Variants in CHD6 observed in about 807,000 individuals in gnomAD.
CHD6 encodes the protein ATP-dependent chromatin remodeler CHD6.
CHD6 carries 50 observed loss-of-function variants against 276.9 expected under a neutral mutation model. That is an observed-to-expected ratio of 0.18 (90% CI 0.14 to 0.23). The LOEUF is 0.23. CHD6 is among the 10% of genes least tolerant of loss of function. The pLI is 1.00. For missense variants in CHD6, 2,564 were observed against 3,365.8 expected (o/e 0.76, Z 5.89); for synonymous variants, 1,173 against 1,229.3 (o/e 0.95, Z 0.96).
chr20:41,531,476 C>T (rs537507708), intron 3 of CHD6, among the ~76,000 whole-genome samples: 2 of 152,308 alleles, frequency 1.3e-5, no homozygotes, highest in Admixed American at 1.3e-4. Context: ...GCTGAACAGT[C>T]ACTCTGCTAC....
chr20:41,451,032 C>T lies in CHD6; in HGVS notation c.3597G>A (p.Lys1199=). Residue 1199 remains lysine, a synonymous_variant, in exon 23 of 37, where the codon AAG becomes AAA. Transcript: ENST00000373233. ...TKNQLLIPEL[K]DADWLATCNP... The stretch of plus-strand genomic sequence containing the variant: ...TGCAGGTGGCTAGCCAATCTGCATC[C>T]TTTAGCTCTGGGATTAGCAACTGGT... The T allele has an allele frequency of 1.2e-6, 2 of 1,614,054 alleles. No individual in the cohort carries two copies. Among genetic ancestry groups the T allele is most frequent in the South Asian group, 1.1e-5 (1 of 91,068 alleles).
At position 41,611,629 on chromosome 20, in the gene CHD6, C is replaced by CT. The variant is rs199776527; in HGVS notation, c.-24+6710dup. Among the ~76,000 whole-genome samples, 790 of 146,790 alleles carry CT rather than the reference C, an allele frequency of 5.4e-3. 4 individuals are homozygous for CT. The highest frequency in any genetic ancestry group is 0.042 in the Middle Eastern group (12 of 284). Reference sequence around the variant, plus strand: ...GAATGGGGCCCAAAAACTTGCATTTCTTTTTTTTTTTAAGACAGAGTCTCA... The same window carrying CT: ...GAATGGGGCCCAAAAACTTGCATTTCTTTTTTTTTTTTAAGACAGAGTCTCA... On this transcript the variant is annotated intron_variant, in intron 1 of 36. Coordinates refer to ENST00000373233, the MANE Select transcript of CHD6 (RefSeq NM_032221.5).
At chr20:41,415,114 G>T in intron 34 of CHD6, 72 bp downstream of exon 34, 2 of 1,499,422 alleles carry the variant, frequency 1.3e-6, no homozygotes, top group Non-Finnish European at 1.8e-6. Context: ...ATTATTTTGC[G>T]TCTGAGGAAG....
intron 1 of CHD6, among the ~76,000 whole-genome samples, chr20:41,596,957 A>G (rs954594723): frequency 1.3e-5 from 2 of 152,182 alleles, no homozygotes; most frequent in African/African-American, 2.4e-5. Context: ...GCAAAAAATC[A>G]TGCTGTCCGC....
intron 16 of CHD6, among the ~76,000 whole-genome samples, chr20:41,475,252 C>A (rs1248537585): frequency 6.6e-6 from 1 of 152,176 alleles, no homozygotes; most frequent in Admixed American, 6.5e-5. Flanking sequence ...TTTCTATTAT[C>A]ATCCTCATTT....
chr20:41,436,359 A>C (rs1410590912), intron 27 of CHD6, among the ~76,000 whole-genome samples: 1 of 152,228 alleles, frequency 6.6e-6, no homozygotes, highest in Non-Finnish European at 1.5e-5. Context: ...TGACCACACC[A>C]AATGTTGGTG....
intron 23 of CHD6, 47 bp from the exon 24 acceptor site, chr20:41,448,018 T>C (rs1293727315): frequency 1.7e-6 from 2 of 1,150,558 alleles, no homozygotes; most frequent in African/African-American, 3.1e-5. Context: ...AACCCATAAC[T>C]GTCTGTGAAC....
At chr20:41,535,467 G>A (rs1314957707) in intron 2 of CHD6, among the ~76,000 whole-genome samples, 2 of 152,148 alleles carry the variant, frequency 1.3e-5, no homozygotes, top group African/African-American at 4.8e-5. Flanking sequence ...TTTCCATCTG[G>A]CCAAAGCTCA....
In CHD6 at chr20:41,420,934, A is replaced by G. The variant is rs754412743; in HGVS notation, c.5701T>C (p.Ser1901Pro). The change falls in exon 31 of 37, where the codon TCA (serine) becomes CCA (proline). Residue 1901 changes from serine to proline, a missense_variant. Coordinates refer to ENST00000373233, the MANE Select transcript of CHD6 (RefSeq NM_032221.5). Reference protein sequence around the residue: ...LHLTEPTTNISREKNQGFQDE... With the variant: ...LHLTEPTTNIPREKNQGFQDE... ...TGGAAGCCTTGGTTCTTTTCCCTTG[A>G]GATGTTAGTAGTGGGCTCCGTGAGA... The G allele has an allele frequency of 6.2e-7, 1 of 1,614,092 alleles. No individual in the cohort carries two copies. The highest frequency in any genetic ancestry group is 8.5e-7 in the Non-Finnish European group (1 of 1,180,030).
chr20:41,456,948 T>G (rs1326091701), intron 18 of CHD6, among the ~76,000 whole-genome samples: 1 of 152,180 alleles, frequency 6.6e-6, no homozygotes, highest in African/African-American at 2.4e-5. Context: ...AGGTATGAGA[T>G]AAGGCACAGT....
intron 1 of CHD6, among the ~76,000 whole-genome samples, chr20:41,599,399 A>T (rs553047590): frequency 7.9e-5 from 12 of 152,290 alleles, no homozygotes; most frequent in Admixed American, 6.5e-4. Context: ...GTCTCATGGA[A>T]AAATGGTTTA....
At chr20:41,496,286 G>C (rs1391659406) in intron 8 of CHD6, among the ~76,000 whole-genome samples, 2 of 152,194 alleles carry the variant, frequency 1.3e-5, no homozygotes, top group Admixed American at 1.3e-4. Context: ...CAAGAACAAT[G>C]TAGGATATTA....
Position 41,485,157 on chromosome 20 carries a change from T to C in CHD6, c.2002-550A>G, listed in dbSNP as rs529710514. Among the ~76,000 whole-genome samples the C allele has an allele frequency of 2.6e-5, 4 of 152,324 alleles. No homozygotes were observed. The South Asian group carries it at 6.2e-4, about 24-fold the overall frequency. On this transcript the variant is annotated intron_variant, in intron 14 of 36. Transcript: ENST00000373233. ...GTGACATCTACTCTATCATGGAATC[T>C]GTCACATCAGGGGCACTTTAAGTCT...
chr20:41,583,457 C>A lies in CHD6; in HGVS notation c.-23-32097G>T, dbSNP rs192239400. On this transcript the variant is annotated intron_variant, in intron 1 of 36. Transcript: ENST00000373233. ...CTCCCCAAAATGAAAGCAAAACAAC[C>A]AGTTTTCAGATAATTAAAAGTTAAG... 1.5e-3 allele frequency among the ~76,000 whole-genome samples: 224 copies of A among 150,934 alleles called. 1 individual carries two copies. Among genetic ancestry groups the A allele is most frequent in the Admixed American group, 2.6e-3 (39 of 15,158 alleles).
intron 1 of CHD6, among the ~76,000 whole-genome samples, chr20:41,556,280 G>A (rs1033840031): frequency 8.0e-5 from 12 of 150,468 alleles, no homozygotes; most frequent in African/African-American, 3.0e-4. Flanking sequence ...GGGGAGACGG[G>A]AGAGGGAGAG....
chr20:41,520,649 A>G (rs980341836), intron 3 of CHD6, among the ~76,000 whole-genome samples: 1 of 129,442 alleles, frequency 7.7e-6, no homozygotes, highest in Non-Finnish European at 1.6e-5. Context: ...GAAGGGGAAC[A>G]TCACACACCG....
chr20:41,468,060 T>G (rs2042967897), intron 17 of CHD6, among the ~76,000 whole-genome samples: 1 of 152,022 alleles, frequency 6.6e-6, no homozygotes, highest in Non-Finnish European at 1.5e-5. Flanking sequence ...CTTAAAGAAG[T>G]CTTCCTAGAC....
chr20:41,419,715 A>G (rs1008542018), intron 31 of CHD6, among the ~76,000 whole-genome samples: 2 of 151,970 alleles, frequency 1.3e-5, no homozygotes, highest in Admixed American at 1.3e-4. Context: ...CCAGGCATGA[A>G]AGGAGTTGTT....
intron 1 of CHD6, among the ~76,000 whole-genome samples, chr20:41,556,982 G>T (rs958481317): frequency 5.8e-4 from 88 of 152,288 alleles, no homozygotes; most frequent in African/African-American, 1.9e-3. Context: ...GCTGGAAATG[G>T]CTTTACAGTC....
Sources: allele counts gnomAD v4.1 joint callset (sites outside exome capture counted in the v4.1 genomes callset), GRCh38; gene constraint gnomAD v4.1.1; transcripts MANE v1.5; gene names NCBI Gene and HGNC (gene_info 2026-07-23, HGNC 2026-07-21).